ABR: variants seen among roughly 807,000 people sequenced by gnomAD.
ABR encodes active breakpoint cluster region-related protein.
ABR carries 35 observed loss-of-function variants against 107.2 expected under a neutral mutation model. The ratio of observed to expected loss-of-function variants is 0.33; its 90% CI spans 0.25 to 0.43. The LOEUF (loss-of-function observed/expected upper bound fraction) is 0.43, where lower values mean the gene tolerates loss of function less well. ABR is among the 20% of genes least tolerant of loss of function. The pLI, the probability that ABR is intolerant of heterozygous loss-of-function variation, is 1.00. For missense variants in ABR, 815 were observed against 1,115.2 expected, an observed-to-expected ratio of 0.73 and a Z score of 3.83; for synonymous variants, 498 against 462.0, an observed-to-expected ratio of 1.08 and a Z score of -1.00.
At chr17:1,214,859 A>G (rs1464960448) in intron 1 of ABR, among the ~76,000 whole-genome samples, 1 of 151,978 alleles carries the variant, frequency 6.6e-6, no homozygotes, top group East Asian at 1.9e-4. Context: ...TGTGGCAGCT[A>G]TCTCGGTGTA....
intron 1 of ABR, among the ~76,000 whole-genome samples, chr17:1,195,029 C>T (rs1290695413): frequency 6.8e-6 from 1 of 147,098 alleles, no homozygotes; most frequent in East Asian, 2.3e-4. Flanking sequence ...GGCCTCAGGC[C>T]AGGCGCGGTG....
chr17:1,079,902 G>A (rs2036092806), intron 5 of ABR, among the ~76,000 whole-genome samples: 2 of 151,308 alleles, frequency 1.3e-5, no homozygotes, highest in Non-Finnish European at 2.9e-5. Flanking sequence ...GTGAACTCCT[G>A]GAGCCTCGTG....
chr17:1,040,276 A>C (rs1321658040), intron 16 of ABR, among the ~76,000 whole-genome samples: 1 of 152,096 alleles, frequency 6.6e-6, no homozygotes, highest in Non-Finnish European at 1.5e-5. Context: ...GAAGTGGGGC[A>C]GGGGAGCCCT....
Position 1,198,166 on chromosome 17 carries a change from C to T in ABR, c.838+30627G>A, listed in dbSNP as rs188154458. ...AGAAGCCTCCCAGTCTCTGGGGCTG[C>T]GGGTTCTGTCTGCTCCCCCTCCCAG... On this transcript the variant is annotated intron_variant, in intron 1 of 22. Transcript: ENST00000574139. Among the ~76,000 whole-genome samples, 45 of 151,598 alleles carry T rather than the reference C, an allele frequency of 3.0e-4. 2 individuals carry two copies. Among genetic ancestry groups the T allele is most frequent in the African/African-American group, 1.1e-3 (43 of 40,910 alleles).
chr17:1,082,122 A>T (rs1397303130), intron 5 of ABR, among the ~76,000 whole-genome samples: 1 of 152,044 alleles, frequency 6.6e-6, no homozygotes, highest in Non-Finnish European at 1.5e-5. Flanking sequence ...TGAGACGGGA[A>T]CACAAAGGGC....
intron 2 of ABR, 82 bp downstream of exon 2, chr17:1,125,101 A>G: frequency 7.0e-7 from 1 of 1,425,732 alleles, no homozygotes; most frequent in Non-Finnish European, 9.5e-7. Context: ...CTCGAGACCA[A>G]CCCAAGCAGG....
At chr17:1,079,517 G>A in intron 5 of ABR, 127 bp from the exon 6 acceptor site, 1 of 875,692 alleles carries the variant, frequency 1.1e-6, no homozygotes, top group South Asian at 1.5e-5. Context: ...GGCCGGGTGT[G>A]GCGGCTCACG....
chr17:1,177,313 G>A (rs1356732114), intron 1 of ABR, among the ~76,000 whole-genome samples: 1 of 152,158 alleles, frequency 6.6e-6, no homozygotes, highest in African/African-American at 2.4e-5. Context: ...TCTCCACTAA[G>A]CTGTTCCGAA....
rs1020953471 is a variant in ABR at position 1,200,700 on chromosome 17, C to T, written c.838+28093G>A. ...CGTGGTGCAGACACAAAGATGGATC[C>T]CCAGGTGGAAACCCGGGCACGTCAT... On this transcript the variant is annotated intron_variant, in intron 1 of 22. Transcript: ENST00000574139. The surrounding 1 kb of genome is among the most constrained non-coding windows in gnomAD (Gnocchi z 4.1). Among the ~76,000 whole-genome samples the T allele has an allele frequency of 5.9e-5, 9 of 152,238 alleles. No individual in the cohort carries two copies. Among genetic ancestry groups the T allele is most frequent in the Admixed American group, 3.9e-4 (6 of 15,290 alleles).
chr17:1,065,742 C>CT (rs56388222), intron 10 of ABR, among the ~76,000 whole-genome samples: 8,491 of 115,482 alleles, frequency 0.074, 433 homozygotes, highest in South Asian at 0.14. Flanking sequence ...CAAACCAATG[C>CT]TTTTTTTTTT....
chr17:1,211,256 G>A (rs1343648391), intron 1 of ABR, among the ~76,000 whole-genome samples: 1 of 152,002 alleles, frequency 6.6e-6, no homozygotes, highest in African/African-American at 2.4e-5. Flanking sequence ...TCCAGCCTGG[G>A]CGACAGAGTG....
Position 1,083,444 on chromosome 17 carries a change from G to A in ABR, c.639+76C>T, listed in dbSNP as rs142162016. On this transcript the variant is annotated intron_variant, in intron 5 of 22. Coordinates refer to ENST00000302538, the MANE Select transcript of ABR (RefSeq NM_021962.5). ...ACCACTTCACCGACTGGCAAGCGAG[G>A]GAGGGGAGACCAAGGGCTCTGAGCA... 7 of 1,037,498 alleles carry A rather than the reference G, an allele frequency of 6.7e-6. No individual in the cohort carries two copies. The African/African-American group carries it at 1.1e-4, about 17-fold the overall frequency. 64.3% of individuals were successfully genotyped at this position (1,037,498 alleles called of 1,614,324 possible).
intron 16 of ABR, among the ~76,000 whole-genome samples, chr17:1,028,122 G>A (rs780459220): frequency 3.3e-5 from 5 of 152,044 alleles, no homozygotes; most frequent in Middle Eastern, 3.2e-3. Context: ...ACCGAGTCTC[G>A]CTCTGTTGCC....
At chr17:1,026,307 A>G (rs1406916021) in intron 16 of ABR, among the ~76,000 whole-genome samples, 4 of 152,230 alleles carry the variant, frequency 2.6e-5, no homozygotes, top group African/African-American at 9.6e-5. Context: ...ACCTTGTGCC[A>G]CATGAGCCTG....
chr17:1,225,809 G>T (rs1376962688), intron 1 of ABR, among the ~76,000 whole-genome samples: 1 of 152,082 alleles, frequency 6.6e-6, no homozygotes, highest in Non-Finnish European at 1.5e-5. Flanking sequence ...GGAGAGAAGA[G>T]GTGCTTATTA....
chr17:1,021,100 G>A (rs925891781), intron 16 of ABR, among the ~76,000 whole-genome samples: 2 of 152,144 alleles, frequency 1.3e-5, no homozygotes, highest in Non-Finnish European at 2.9e-5. Flanking sequence ...CACAGTAAGG[G>A]GCCTGTGGTG....
intron 1 of ABR, among the ~76,000 whole-genome samples, chr17:1,142,402 T>G (rs1358638611): frequency 1.3e-5 from 2 of 151,972 alleles, no homozygotes; most frequent in Admixed American, 1.3e-4. Flanking sequence ...CTGGCCAACA[T>G]AGAGAAACCC....
At chr17:1,220,859 A>G (rs1178982302) in intron 1 of ABR, among the ~76,000 whole-genome samples, 2 of 152,180 alleles carry the variant, frequency 1.3e-5, no homozygotes. Flanking sequence ...CAGCCCTGTG[A>G]AAGATACTGT....
Position 1,076,488 on chromosome 17 carries a change from G to A in ABR, c.701-2811C>T, listed in dbSNP as rs114251218. Among the ~76,000 whole-genome samples, 676 of 152,210 alleles carry A rather than the reference G, an allele frequency of 4.4e-3. 9 individuals are homozygous for A. Among genetic ancestry groups the A allele is most frequent in the African/African-American group, 0.016 (651 of 41,518 alleles). On this transcript the variant is annotated intron_variant, in intron 6 of 22. Transcript: ENST00000302538. ...AAGCTCAGCAGACACCTGCCAGGGT[G>A]GGCTCCGGAGTGGCGGCTCCACAGA...
Sources: allele counts gnomAD v4.1 joint callset (sites outside exome capture counted in the v4.1 genomes callset), GRCh38; gene constraint gnomAD v4.1.1; non-coding constraint Gnocchi (gnomAD v3.1); transcripts MANE v1.5; gene names NCBI Gene and HGNC (gene_info 2026-07-23, HGNC 2026-07-21).